GUCY1A2: variants seen among roughly 807,000 people sequenced by gnomAD.
GUCY1A2 encodes guanylate cyclase 1 soluble subunit alpha 2.
A neutral mutation model predicts 63.5 loss-of-function variants in GUCY1A2; 27 were observed. That is an observed-to-expected ratio of 0.43 (90% CI 0.31 to 0.59). The LOEUF (loss-of-function observed/expected upper bound fraction) is 0.59, where lower values mean the gene tolerates loss of function less well. Among genes scored for constraint, GUCY1A2 ranks in the 20% least tolerant of loss-of-function variants. The probability of loss-of-function intolerance (pLI) is 0.11; values close to 1 mark genes in which losing one functional copy is unlikely to be tolerated. For missense variants in GUCY1A2, 768 were observed against 913.3 expected, an observed-to-expected ratio of 0.84 and a Z score of 2.05; for synonymous variants, 364 against 343.5, an observed-to-expected ratio of 1.06 and a Z score of -0.66.
chr11:106,797,250 G>A (rs961576787), intron 5 of GUCY1A2, among the ~76,000 whole-genome samples: 7 of 151,976 alleles, frequency 4.6e-5, no homozygotes, highest in Admixed American at 1.3e-4. Context: ...AAGTTTGATC[G>A]TCTGAAGCCT....
intron 4 of GUCY1A2, among the ~76,000 whole-genome samples, chr11:106,922,186 C>G (rs947645842): frequency 6.6e-6 from 1 of 152,108 alleles, no homozygotes; most frequent in Non-Finnish European, 1.5e-5. Flanking sequence ...CTCTCTGTTT[C>G]TTCAACTATA....
intron 6 of GUCY1A2, among the ~76,000 whole-genome samples, chr11:106,757,663 C>T (rs993318826): frequency 1.6e-4 from 24 of 152,128 alleles, no homozygotes; most frequent in East Asian, 5.8e-4. Flanking sequence ...CCTGTTTACC[C>T]GGGTATCACC....
chr11:106,983,541 A>T (rs1861364613), intron 2 of GUCY1A2, among the ~76,000 whole-genome samples: 1 of 152,226 alleles, frequency 6.6e-6, no homozygotes, highest in East Asian at 1.9e-4. Context: ...CAAGGAGCAG[A>T]ACCGTACAAT....
Position 106,886,734 on chromosome 11 carries a change from C to T in GUCY1A2, c.1206+52726G>A, listed in dbSNP as rs1156952976. On this transcript the variant is annotated intron_variant, in intron 4 of 7. Coordinates refer to ENST00000526355, the MANE Select transcript of GUCY1A2 (RefSeq NM_000855.3). ...GGACAGACACTTTCAACGTGGAATA[C>T]TCCAAAAGGCCCACAGTATTACCCT... 2.6e-5 allele frequency among the ~76,000 whole-genome samples: 4 copies of T among 152,108 alleles called. No individual in the cohort carries two copies. In the East Asian group the frequency reaches 5.8e-4, roughly 22 times the overall value.
intron 2 of GUCY1A2, among the ~76,000 whole-genome samples, chr11:106,985,494 T>TA (rs1409022840): frequency 6.6e-6 from 1 of 152,154 alleles, no homozygotes; most frequent in Non-Finnish European, 1.5e-5. Context: ...CATCACAGTT[T>TA]AAAAAAGAGA....
In GUCY1A2 at chr11:106,687,263, GGTTA is replaced by G. The variant is rs1565257817; in HGVS notation, c.*282_*285del. 1.2e-5 allele frequency: 4 copies of G among 338,034 alleles called. No homozygotes were observed. Among genetic ancestry groups the G allele is most frequent in the Non-Finnish European group, 1.6e-5 (3 of 184,934 alleles). 20.9% of individuals were successfully genotyped at this position (338,034 alleles called of 1,614,324 possible). A position where few individuals can be genotyped will look rare whatever the true frequency, so the allele number is the denominator to read the frequency against. Reference sequence around the variant, plus strand: ...CAAGAAAACATGGAATCTATTTATTGGTTAGTTCTGAAAGGGGACCCACACTTGT... The same window carrying G: ...CAAGAAAACATGGAATCTATTTATTGGTTCTGAAAGGGGACCCACACTTGT... On this transcript the variant is annotated 3_prime_UTR_variant, in exon 8 of 8. Coordinates refer to ENST00000526355, the MANE Select transcript of GUCY1A2 (RefSeq NM_000855.3).
intron 1 of GUCY1A2, 101 bp from the exon 2 acceptor site, chr11:106,986,232 T>C (rs980701850): frequency 1.3e-5 from 9 of 673,614 alleles, no homozygotes; most frequent in Non-Finnish European, 2.4e-5. Flanking sequence ...GATTTATCTC[T>C]TGAGAGTTTT....
chr11:106,803,597 A>G (rs1361015905), intron 5 of GUCY1A2, among the ~76,000 whole-genome samples: 1 of 152,142 alleles, frequency 6.6e-6, no homozygotes, highest in Non-Finnish European at 1.5e-5. Context: ...GGAAAGTAAT[A>G]ATAGCTAATA....
At chr11:106,962,402 AT>A (rs1379049810) in intron 3 of GUCY1A2, among the ~76,000 whole-genome samples, 6 of 141,724 alleles carry the variant, frequency 4.2e-5, no homozygotes, top group South Asian at 4.5e-4. Context: ...AAAAAAAAAA[AT>A]ACAAATATTT....
At chr11:106,721,730 G>A (rs906184605) in intron 6 of GUCY1A2, among the ~76,000 whole-genome samples, 3 of 152,064 alleles carry the variant, frequency 2.0e-5, no homozygotes, top group Non-Finnish European at 2.9e-5. Context: ...CTTATAATAA[G>A]GATAAAAGCT....
At chr11:106,975,093 T>C (rs566168369) in intron 3 of GUCY1A2, among the ~76,000 whole-genome samples, 9 of 152,286 alleles carry the variant, frequency 5.9e-5, no homozygotes, top group African/African-American at 2.2e-4. Flanking sequence ...TATTAGAACT[T>C]GTTAAAACTG....
In GUCY1A2 at chr11:106,755,311, AT is replaced by A. The variant is rs377262349; in HGVS notation, c.1836+21127del. On this transcript the variant is annotated intron_variant, in intron 6 of 7. Coordinates refer to ENST00000526355, the MANE Select transcript of GUCY1A2 (RefSeq NM_000855.3). ...CAAAAAACCAGCTTCTGGATTCATAATTTTTTTGAAGGGTTTTTTTTGTGTC... is the reference window on the plus strand; with the variant it reads ...CAAAAAACCAGCTTCTGGATTCATAATTTTTTGAAGGGTTTTTTTTGTGTC... Among the ~76,000 whole-genome samples, 127 of 151,742 alleles carry A rather than the reference AT, an allele frequency of 8.4e-4. 1 individual carries two copies. Among genetic ancestry groups the A allele is most frequent in the Middle Eastern group, 3.4e-3 (1 of 294 alleles).
chr11:106,868,455 A>G, intron 4 of GUCY1A2, among the ~76,000 whole-genome samples: 1 of 152,012 alleles, frequency 6.6e-6, no homozygotes, highest in Non-Finnish European at 1.5e-5. Flanking sequence ...ATGCTTACAC[A>G]CCAATAACAG....
intron 6 of GUCY1A2, among the ~76,000 whole-genome samples, chr11:106,721,324 G>C (rs1863313034): frequency 6.6e-6 from 1 of 152,152 alleles, no homozygotes; most frequent in African/African-American, 2.4e-5. Context: ...CTCCCAAAGT[G>C]CTGGGATTAC....
At chr11:106,779,732 A>T (rs1188890086) in intron 5 of GUCY1A2, among the ~76,000 whole-genome samples, 1 of 152,206 alleles carries the variant, frequency 6.6e-6, no homozygotes, top group Non-Finnish European at 1.5e-5. Context: ...TTAGTTAGTT[A>T]TATGTTGCAT....
chr11:106,767,958 T>A (rs896374250), intron 6 of GUCY1A2, among the ~76,000 whole-genome samples: 2 of 152,048 alleles, frequency 1.3e-5, no homozygotes, highest in African/African-American at 4.8e-5. Context: ...ATAATGTAAA[T>A]ATAAAACGTT....
At chr11:106,792,820 T>G (rs760531812) in intron 5 of GUCY1A2, among the ~76,000 whole-genome samples, 3 of 152,164 alleles carry the variant, frequency 2.0e-5, no homozygotes, top group Non-Finnish European at 4.4e-5. Context: ...AAAATTAATT[T>G]CATCAAGGAT....
intron 5 of GUCY1A2, among the ~76,000 whole-genome samples, chr11:106,794,863 A>C (rs533613149): frequency 1.3e-5 from 2 of 152,158 alleles, no homozygotes; most frequent in African/African-American, 4.8e-5. Context: ...TAGGCATTCA[A>C]CTAATATCAG....
chr11:106,935,850 AAAAAAAAAAATT>A (rs529616399), intron 4 of GUCY1A2, among the ~76,000 whole-genome samples: 134 of 146,424 alleles, frequency 9.2e-4, no homozygotes, highest in Middle Eastern at 3.5e-3. Context: ...CTCCATCTCC[AAAAAAAAAAATT>A]AAAAAAAAAA....
Sources: gnomAD v4.1 joint callset for allele counts (sites outside exome capture counted in the v4.1 genomes callset) on GRCh38, gnomAD v4.1.1 for gene constraint, MANE v1.5 for transcripts, NCBI Gene and HGNC (gene_info 2026-07-23, HGNC 2026-07-21) for gene names.